Variants in BCLAF3 observed in about 807,000 individuals in gnomAD.
BCLAF3 encodes the protein transient octamer binding factor 1.
A neutral mutation model predicts 51.2 loss-of-function variants in BCLAF3; 24 were observed. The ratio of observed to expected loss-of-function variants is 0.47; its 90% CI spans 0.34 to 0.66. The LOEUF is 0.66. Ranked by LOEUF, BCLAF3 falls within the 30% of genes least tolerant of loss-of-function variation. The pLI is 0.01. For synonymous variants in BCLAF3, 152 were observed against 176.6 expected (o/e 0.86, Z 1.10); for missense variants, 465 against 525.1 (o/e 0.89, Z 1.12).
At chrX:19,940,214 A>T (rs1208468318) in intron 8 of BCLAF3, among the ~76,000 whole-genome samples, 2 of 111,663 alleles carry the variant, frequency 1.8e-5, no homozygotes, top group African/African-American at 6.5e-5. Flanking sequence ...CCATGGGACT[A>T]AATTTTGGCC....
intron 8 of BCLAF3, among the ~76,000 whole-genome samples, chrX:19,940,120 T>C (rs1047334867): frequency 8.9e-6 from 1 of 111,923 alleles, no homozygotes; most frequent in African/African-American, 3.2e-5. Context: ...AAAAATTAAA[T>C]CCTTTGATAT....
In BCLAF3 at chrX:19,917,167, C is replaced by T; in HGVS notation, c.*138G>A. ...TTAGGTGTAAAAAAGTTGCAGCATT[C>T]CACTACTAAAAAATAAAGTTATTTT... On this transcript the variant is annotated 3_prime_UTR_variant, in exon 12 of 12. Transcript: ENST00000379682. 1.8e-6 allele frequency: 1 copy of T among 559,978 alleles called. No individual in the cohort carries two copies. The highest frequency in any genetic ancestry group is 2.4e-5 in the African/African-American group (1 of 42,471). 46.1% of individuals were successfully genotyped at this position (559,978 alleles called of 1,213,427 possible).
intron 1 of BCLAF3, among the ~76,000 whole-genome samples, chrX:19,982,958 CTTTTTT>C (rs749753466): frequency 1.4e-5 from 1 of 72,350 alleles, no homozygotes; most frequent in African/African-American, 7.2e-5. Context: ...TTTTTTTTTT[CTTTTTT>C]TTTTTTTTTT....
intron 1 of BCLAF3, among the ~76,000 whole-genome samples, chrX:19,983,224 C>T (rs1415216642): frequency 4.8e-5 from 5 of 103,723 alleles, no homozygotes; most frequent in Non-Finnish European, 9.8e-5. Context: ...TCCCAAAGTG[C>T]CGGGATTACA....
intron 10 of BCLAF3, 56 bp from the exon 11 acceptor site, chrX:19,929,996 T>G: frequency 8.8e-7 from 1 of 1,141,585 alleles, no homozygotes. Flanking sequence ...AAGTCTACTT[T>G]ATTAGTAAAC....
intron 1 of BCLAF3, among the ~76,000 whole-genome samples, chrX:19,979,452 A>G (rs927870051): frequency 1.7e-4 from 19 of 111,445 alleles, no homozygotes; most frequent in African/African-American, 5.9e-4. Context: ...TGTTTTAGAC[A>G]TAATGCTTTT....
At chrX:19,929,671 A>G in intron 11 of BCLAF3, 114 bp downstream of exon 11, 1 of 752,611 alleles carries the variant, frequency 1.3e-6, no homozygotes, top group South Asian at 3.1e-5. Flanking sequence ...AGAACATTTA[A>G]AAACCCAGGT....
chrX:19,925,939 A>G (rs768032152), intron 11 of BCLAF3, among the ~76,000 whole-genome samples: 1 of 111,806 alleles, frequency 8.9e-6, no homozygotes, highest in South Asian at 3.8e-4. Context: ...TCTAAAGGTT[A>G]GGAGAGTGGA....
chrX:19,960,024 G>A, intron 4 of BCLAF3, among the ~76,000 whole-genome samples: 1 of 111,173 alleles, frequency 9.0e-6, no homozygotes, highest in Non-Finnish European at 1.9e-5. Context: ...TCAAACTCCT[G>A]AGCTCAAGGG....
At chrX:19,919,898 T>A (rs940262119) in intron 11 of BCLAF3, among the ~76,000 whole-genome samples, 21 of 108,633 alleles carry the variant, frequency 1.9e-4, no homozygotes, top group Non-Finnish European at 3.4e-4. Flanking sequence ...AGAAAAGGGT[T>A]AACACAGCAG....
chrX:19,962,440 C>A (rs866103875), intron 4 of BCLAF3, among the ~76,000 whole-genome samples: 29 of 112,201 alleles, frequency 2.6e-4, no homozygotes, highest in African/African-American at 7.8e-4. Flanking sequence ...CCCCGGCCTC[C>A]CACAAATGCT....
chrX:19,932,974 C>T (rs972227387), intron 10 of BCLAF3, among the ~76,000 whole-genome samples: 1 of 112,323 alleles, frequency 8.9e-6, no homozygotes, highest in African/African-American at 3.2e-5. Context: ...CATTAAATAA[C>T]AACCCTCTTT....
chrX:19,968,889 G>A (rs1455850601), intron 2 of BCLAF3, among the ~76,000 whole-genome samples: 2 of 111,518 alleles, frequency 1.8e-5, no homozygotes, highest in African/African-American at 6.5e-5. Flanking sequence ...CGAGGCGGGC[G>A]GATCACGAGG....
At chrX:19,920,591 G>C (rs972367112) in intron 11 of BCLAF3, among the ~76,000 whole-genome samples, 1 of 111,308 alleles carries the variant, frequency 9.0e-6, no homozygotes. Context: ...AGGCCGAGGT[G>C]GGTGGATCGC....
At chrX:19,928,600 A>G (rs903017322) in intron 11 of BCLAF3, among the ~76,000 whole-genome samples, 1 of 111,567 alleles carries the variant, frequency 9.0e-6, no homozygotes, top group African/African-American at 3.3e-5. Context: ...TTAAAAACTT[A>G]AAAAATTTAA....
intron 11 of BCLAF3, among the ~76,000 whole-genome samples, chrX:19,926,383 T>G (rs183171614): frequency 2.9e-4 from 32 of 111,325 alleles, no homozygotes; most frequent in African/African-American, 1.0e-3. Flanking sequence ...AGGATATACT[T>G]CTTATGTCCT....
chrX:19,935,597 A>T, intron 10 of BCLAF3: 1 of 378,462 alleles, frequency 2.6e-6, no homozygotes, highest in Non-Finnish European at 4.6e-6. Flanking sequence ...AAAGGAATCT[A>T]CTGGTAAAAA....
intron 8 of BCLAF3, among the ~76,000 whole-genome samples, chrX:19,944,090 T>G (rs1199098839): frequency 4.0e-4 from 22 of 54,322 alleles, no homozygotes; most frequent in Admixed American, 2.5e-4. Flanking sequence ...GAGACTAGGA[T>G]TGCAACCCCT....
intron 11 of BCLAF3, chrX:19,918,214 T>C (rs1018981791): frequency 1.8e-5 from 2 of 111,732 alleles, no homozygotes; most frequent in East Asian, 5.5e-4. Context: ...TTTTGGTTAA[T>C]GAAATCTTCA....
Sources: gnomAD v4.1 joint callset for allele counts (sites outside exome capture counted in the v4.1 genomes callset) on GRCh38, gnomAD v4.1.1 for gene constraint, MANE v1.5 for transcripts, NCBI Gene and HGNC (gene_info 2026-07-23, HGNC 2026-07-21) for gene names.